Variants in FGD4 observed in about 807,000 individuals in gnomAD.
FGD4 encodes the protein FYVE, RhoGEF and PH domain-containing protein 4.
In FGD4, 42 loss-of-function variants were observed where a neutral mutation model predicts 102.0. The ratio of observed to expected loss-of-function variants is 0.41; its 90% CI spans 0.32 to 0.53. The LOEUF is 0.53. Among genes scored for constraint, FGD4 ranks in the 20% least tolerant of loss-of-function variants. The pLI is 0.21. For missense variants in FGD4, 902 were observed against 1,078.2 expected (o/e 0.84, Z 2.29); for synonymous variants, 380 against 375.7 (o/e 1.01, Z -0.13).
At position 32,451,595 on chromosome 12, in the gene FGD4, G is replaced by A. The variant is rs113745145; in HGVS notation, c.166+51636G>A. Reference sequence around the variant, plus strand: ...AAGGTCTTTTTTTTCTTTGAAAAATGCATGAGGTTTGAAAGTTACTACTTA... The same window carrying A: ...AAGGTCTTTTTTTTCTTTGAAAAATACATGAGGTTTGAAAGTTACTACTTA... On this transcript the variant is annotated intron_variant, in intron 1 of 16. Coordinates refer to ENST00000534526, the MANE Select transcript of FGD4 (RefSeq NM_001370298.3). Among the ~76,000 whole-genome samples the A allele has an allele frequency of 1.2e-4, 18 of 151,552 alleles. No homozygotes were observed. The East Asian group carries it at 3.5e-3, about 29-fold the overall frequency.
chr12:32,422,398 A>C (rs1941671262), intron 1 of FGD4, among the ~76,000 whole-genome samples: 1 of 138,728 alleles, frequency 7.2e-6, no homozygotes, highest in African/African-American at 2.7e-5. Context: ...TCCCGAGTTC[A>C]CGCCATTCTC....
intron 1 of FGD4, among the ~76,000 whole-genome samples, chr12:32,400,298 G>T (rs1940601878): frequency 6.6e-6 from 1 of 152,184 alleles, no homozygotes; most frequent in African/African-American, 2.4e-5. Context: ...AAGCGGCTTC[G>T]CTAAATTCCT....
intron 1 of FGD4, among the ~76,000 whole-genome samples, chr12:32,457,788 A>G (rs1014751487): frequency 2.0e-5 from 3 of 152,218 alleles, no homozygotes; most frequent in Non-Finnish European, 4.4e-5. Flanking sequence ...TAAAAATAGA[A>G]TGCAAATTGC....
At chr12:32,555,920 AG>A (rs200359221) in intron 1 of FGD4, among the ~76,000 whole-genome samples, 1,673 of 152,010 alleles carry the variant, frequency 0.011, 31 homozygotes, top group African/African-American at 0.038. Context: ...GTGCAATCAC[AG>A]GTCACTGCAA....
At chr12:32,530,191 A>T (rs2136825178) in intron 1 of FGD4, among the ~76,000 whole-genome samples, 1 of 152,090 alleles carries the variant, frequency 6.6e-6, no homozygotes, top group Non-Finnish European at 1.5e-5. Flanking sequence ...TTATTATGAA[A>T]TATCATGTGG....
intron 1 of FGD4, among the ~76,000 whole-genome samples, chr12:32,470,085 GTATAA>G (rs1422879996): frequency 6.6e-6 from 1 of 152,096 alleles, no homozygotes; most frequent in Non-Finnish European, 1.5e-5. Flanking sequence ...TAATTTAATA[GTATAA>G]TATATTCACA....
chr12:32,560,532 G>A (rs1391837494), intron 1 of FGD4, among the ~76,000 whole-genome samples: 4 of 152,080 alleles, frequency 2.6e-5, no homozygotes, highest in South Asian at 4.1e-4. Flanking sequence ...TTGAGATTAC[G>A]TGAGCCACTG....
chr12:32,587,064 A>G (rs2136477478), intron 4 of FGD4, among the ~76,000 whole-genome samples: 1 of 151,728 alleles, frequency 6.6e-6, no homozygotes, highest in African/African-American at 2.4e-5. Context: ...AGTAGCAAGC[A>G]CCTGTAGTCC....
intron 1 of FGD4, among the ~76,000 whole-genome samples, chr12:32,408,502 C>A (rs79727589): frequency 6.6e-6 from 1 of 152,070 alleles, no homozygotes; most frequent in South Asian, 2.1e-4. Context: ...GGGGTTTCGC[C>A]TTGTTGGCCA....
At chr12:32,561,173 C>G (rs571942078) in intron 1 of FGD4, among the ~76,000 whole-genome samples, 12 of 149,100 alleles carry the variant, frequency 8.0e-5, no homozygotes, top group Admixed American at 2.0e-4. Flanking sequence ...CAACCTCCCC[C>G]CATCCTGGGT....
chr12:32,582,754 TAGAA>T lies in FGD4; in HGVS notation c.1011+293_1011+296del, dbSNP rs796253567. Reference sequence around the variant, plus strand: ...AATCCACAAATGTATTGTTTTTACATAGAAAGAAAATGTTCCTTGTTGCTCTAGA... The same window carrying T: ...AATCCACAAATGTATTGTTTTTACATAGAAAATGTTCCTTGTTGCTCTAGA... On this transcript the variant is annotated intron_variant, in intron 4 of 16. Coordinates refer to ENST00000534526, the MANE Select transcript of FGD4 (RefSeq NM_001370298.3). 1.4e-5 allele frequency: 6 copies of T among 423,428 alleles called. No individual in the cohort carries two copies. In the East Asian group the frequency reaches 1.9e-4, roughly 13 times the overall value. 26.2% of individuals were successfully genotyped at this position (423,428 alleles called of 1,614,324 possible).
chr12:32,413,753 G>A (rs1845869951), intron 1 of FGD4, among the ~76,000 whole-genome samples: 1 of 152,160 alleles, frequency 6.6e-6, no homozygotes, highest in African/African-American at 2.4e-5. Context: ...TCTGGAGACT[G>A]TACTTCGGAC....
chr12:32,539,579 A>G (rs1275252455), intron 1 of FGD4, among the ~76,000 whole-genome samples: 4 of 150,258 alleles, frequency 2.7e-5, no homozygotes, highest in South Asian at 2.1e-4. Context: ...CAGGGGGGAA[A>G]AAAAAAAAAG....
chr12:32,572,486 G>GA (rs952775072), intron 2 of FGD4, among the ~76,000 whole-genome samples: 2 of 152,182 alleles, frequency 1.3e-5, no homozygotes, highest in African/African-American at 2.4e-5. Context: ...TGATGAAAGG[G>GA]AAAAAAATCT....
chr12:32,498,893 A>C (rs1937991142), intron 1 of FGD4, among the ~76,000 whole-genome samples: 1 of 152,044 alleles, frequency 6.6e-6, no homozygotes, highest in South Asian at 2.1e-4. Context: ...GAGCCACCAC[A>C]CCCAACAGTT....
At chr12:32,410,920 CT>C (rs1019878194) in intron 1 of FGD4, among the ~76,000 whole-genome samples, 105 of 135,214 alleles carry the variant, frequency 7.8e-4, no homozygotes, top group South Asian at 1.9e-3. Context: ...ACAATGAACT[CT>C]TTTTTTTTTC....
chr12:32,452,042 G>A (rs1318181203), intron 1 of FGD4, among the ~76,000 whole-genome samples: 7 of 152,088 alleles, frequency 4.6e-5, no homozygotes, highest in Non-Finnish European at 1.0e-4. Context: ...AGGAAGCTAC[G>A]TAAATGTGGA....
In FGD4 at chr12:32,417,119, C is replaced by T. The variant is rs147539036; in HGVS notation, c.166+17160C>T. Among the ~76,000 whole-genome samples, 933 of 152,170 alleles carry T rather than the reference C, an allele frequency of 6.1e-3. 9 individuals are homozygous for T. Among genetic ancestry groups the T allele is most frequent in the African/African-American group, 0.021 (877 of 41,526 alleles). The stretch of plus-strand genomic sequence containing the variant: ...TCATGTTGGTCAGGCTGGTCTCAAA[C>T]GCCTGACCTCGTGATCCACCCACCT... On this transcript the variant is annotated intron_variant, in intron 1 of 16. Transcript: ENST00000534526.
chr12:32,582,565 A>C, intron 4 of FGD4, 98 bp downstream of exon 4: 1 of 1,499,806 alleles, frequency 6.7e-7, no homozygotes, highest in Non-Finnish European at 9.0e-7. Flanking sequence ...TGTATGAATC[A>C]GATCACCCAC....
Sources: allele counts gnomAD v4.1 joint callset (sites outside exome capture counted in the v4.1 genomes callset), GRCh38; gene constraint gnomAD v4.1.1; transcripts MANE v1.5; gene names NCBI Gene and HGNC (gene_info 2026-07-23, HGNC 2026-07-21).